The following SCFD2 variants were observed in gnomAD, a reference collection of about 807,000 sequenced individuals.
The protein encoded by SCFD2 is sec1 family domain containing 2.
Under a neutral mutation model 58.9 loss-of-function variants are expected in SCFD2, and 54 were observed. That is an observed-to-expected ratio of 0.92 (90% CI 0.74 to 1.15). SCFD2 has a LOEUF of 1.15. Among genes scored for constraint, SCFD2 ranks in the 50% most tolerant of loss-of-function variants. The probability of loss-of-function intolerance (pLI) is 0.00; values close to 1 mark genes in which losing one functional copy is unlikely to be tolerated. For missense variants in SCFD2, 805 were observed against 836.6 expected, an observed-to-expected ratio of 0.96 and a Z score of 0.47; for synonymous variants, 321 against 335.9, an observed-to-expected ratio of 0.96 and a Z score of 0.49.
At chr4:53,074,942 C>T (rs894669257) in intron 5 of SCFD2, among the ~76,000 whole-genome samples, 1 of 152,158 alleles carries the variant, frequency 6.6e-6, no homozygotes, top group African/African-American at 2.4e-5. Context: ...TGAAAGAGAG[C>T]CATCCTGTCC....
intron 5 of SCFD2, among the ~76,000 whole-genome samples, chr4:52,959,591 C>T (rs1377290672): frequency 6.6e-6 from 1 of 152,074 alleles, no homozygotes; most frequent in Non-Finnish European, 1.5e-5. Flanking sequence ...AAGTTAACCC[C>T]CAAATATCCA....
intron 5 of SCFD2, among the ~76,000 whole-genome samples, chr4:53,098,277 T>A (rs1184291401): frequency 6.6e-6 from 1 of 152,212 alleles, no homozygotes; most frequent in Admixed American, 6.5e-5. Context: ...ATTGGAATAG[T>A]TTCAGAAGGA....
chr4:53,346,722 A>G (rs1352317461), intron 2 of SCFD2, among the ~76,000 whole-genome samples: 1 of 152,188 alleles, frequency 6.6e-6, no homozygotes, highest in Non-Finnish European at 1.5e-5. Context: ...AAACAATTAT[A>G]GTATAGTGTT....
chr4:52,922,959 A>C (rs190190855), intron 5 of SCFD2, among the ~76,000 whole-genome samples: 1 of 152,360 alleles, frequency 6.6e-6, no homozygotes, highest in African/African-American at 2.4e-5. Flanking sequence ...TAGGGAGTAG[A>C]GGTAGATTCA....
intron 5 of SCFD2, among the ~76,000 whole-genome samples, chr4:53,059,396 ACTTTTAG>A (rs1199807277): frequency 2.0e-5 from 3 of 152,164 alleles, no homozygotes; most frequent in Non-Finnish European, 4.4e-5. Context: ...AGAAGTAGAT[ACTTTTAG>A]CTCCATGTTA....
intron 4 of SCFD2, among the ~76,000 whole-genome samples, chr4:53,247,355 G>A (rs1662369768): frequency 6.6e-6 from 1 of 152,114 alleles, no homozygotes; most frequent in South Asian, 2.1e-4. Flanking sequence ...GCTAAAAACT[G>A]AACTACCATT....
intron 4 of SCFD2, among the ~76,000 whole-genome samples, chr4:53,238,188 C>A: frequency 1.4e-5 from 2 of 143,388 alleles, no homozygotes; most frequent in African/African-American, 2.6e-5. Flanking sequence ...GGCTGACCCC[C>A]CCACCTCCCT....
chr4:52,995,445 TG>T (rs1295485520), intron 5 of SCFD2, among the ~76,000 whole-genome samples: 1 of 152,230 alleles, frequency 6.6e-6, no homozygotes, highest in Non-Finnish European at 1.5e-5. Flanking sequence ...GCCCAGGAAT[TG>T]GGGACCCTTG....
chr4:53,352,086 A>G (rs773272954), intron 2 of SCFD2, among the ~76,000 whole-genome samples: 12 of 152,100 alleles, frequency 7.9e-5, no homozygotes, highest in Non-Finnish European at 1.6e-4. Context: ...TATTTTTTAA[A>G]CTCTGCATAA....
In SCFD2 at chr4:53,033,528, G is replaced by C. The variant is rs185200711; in HGVS notation, c.1561+111805C>G. The stretch of plus-strand genomic sequence containing the variant: ...TCCTTCAAAAAATCAATGAATCCAG[G>C]AGCTAGCTTTTTCAAAAGAACAACA... On this transcript the variant is annotated intron_variant, in intron 5 of 8. Transcript: ENST00000401642. Among the ~76,000 whole-genome samples the C allele has an allele frequency of 2.4e-3, 360 of 152,064 alleles. 3 individuals are homozygous for C. The highest frequency in any genetic ancestry group is 8.2e-3 in the Admixed American group (125 of 15,268).
chr4:53,128,076 A>G (rs550859017), intron 5 of SCFD2, among the ~76,000 whole-genome samples: 23 of 151,158 alleles, frequency 1.5e-4, no homozygotes, highest in Non-Finnish European at 3.2e-4. Context: ...AAAAGCCAAT[A>G]AAAAATCTAA....
intron 7 of SCFD2, among the ~76,000 whole-genome samples, chr4:52,900,944 G>A (rs981713648): frequency 3.3e-5 from 5 of 152,230 alleles, no homozygotes; most frequent in Admixed American, 2.0e-4. Flanking sequence ...CTCTGAGCCA[G>A]GTGTGGGATA....
chr4:53,089,373 A>C (rs1724406658), intron 5 of SCFD2, among the ~76,000 whole-genome samples: 1 of 152,112 alleles, frequency 6.6e-6, no homozygotes, highest in African/African-American at 2.4e-5. Flanking sequence ...TGAAGCAAAA[A>C]GTTTCTAATT....
At chr4:53,080,284 G>A (rs1432944536) in intron 5 of SCFD2, among the ~76,000 whole-genome samples, 1 of 152,118 alleles carries the variant, frequency 6.6e-6, no homozygotes, top group Non-Finnish European at 1.5e-5. Context: ...GTTTAATAAT[G>A]TCTTTCCAAT....
chr4:53,293,429 C>A (rs1003922521), intron 3 of SCFD2, among the ~76,000 whole-genome samples: 1 of 152,020 alleles, frequency 6.6e-6, no homozygotes, highest in South Asian at 2.1e-4. Context: ...ATGTAACAAA[C>A]CTGCATTCCT....
chr4:53,021,570 T>C (rs1336096210), intron 5 of SCFD2, among the ~76,000 whole-genome samples: 7 of 152,032 alleles, frequency 4.6e-5, no homozygotes, highest in Admixed American at 3.3e-4. Context: ...TACAAATAAA[T>C]AATGGCAATG....
intron 4 of SCFD2, among the ~76,000 whole-genome samples, chr4:53,188,497 G>A (rs570353449): frequency 1.8e-4 from 27 of 150,146 alleles, no homozygotes; most frequent in African/African-American, 4.2e-4. Context: ...ATAAATCTAC[G>A]AAAGGGCCAA....
chr4:53,325,875 AACT>A (rs1733177369), intron 2 of SCFD2, among the ~76,000 whole-genome samples: 1 of 152,172 alleles, frequency 6.6e-6, no homozygotes, highest in African/African-American at 2.4e-5. Flanking sequence ...AAAGGGACAT[AACT>A]ACTAACTCTC....
chr4:53,240,792 G>A lies in SCFD2; in HGVS notation c.1311+33034C>T, dbSNP rs150817175. Reference sequence around the variant, plus strand: ...GTGGCTGCCTATGCCACAGGGCAGTGGTCGATGGCTTCTGCTATCCAGTGC... The same window carrying A: ...GTGGCTGCCTATGCCACAGGGCAGTAGTCGATGGCTTCTGCTATCCAGTGC... On this transcript the variant is annotated intron_variant, in intron 4 of 8. Transcript: ENST00000401642. Among the ~76,000 whole-genome samples, 309 of 152,362 alleles carry A rather than the reference G, an allele frequency of 2.0e-3. 1 individual carries two copies. The highest frequency in any genetic ancestry group is 7.1e-3 in the African/African-American group (296 of 41,586).
Sources: allele counts gnomAD v4.1 joint callset (sites outside exome capture counted in the v4.1 genomes callset), GRCh38; gene constraint gnomAD v4.1.1; transcripts MANE v1.5; gene names NCBI Gene and HGNC (gene_info 2026-07-23, HGNC 2026-07-21).